Variants in BBS9 observed in about 807,000 individuals in gnomAD.
BBS9 encodes Bardet-Biedl syndrome 9, also known as protein PTHB1.
A neutral mutation model predicts 117.7 loss-of-function variants in BBS9; 89 were observed. The observed-to-expected ratio is 0.76, with a 90% CI of 0.64 to 0.90. The LOEUF (loss-of-function observed/expected upper bound fraction) is 0.90, where lower values mean the gene tolerates loss of function less well. Ranked by LOEUF, BBS9 falls within the 40% of genes least tolerant of loss-of-function variation. The pLI is 0.00. For missense variants in BBS9, 982 were observed against 1,042.2 expected (o/e 0.94, Z 0.80); for synonymous variants, 379 against 370.9 (o/e 1.02, Z -0.25).
rs149129242 is a variant in BBS9, at chr7:33,575,478, T to A, written c.2522-29387T>A. On this transcript the variant is annotated intron_variant, in intron 21 of 22. Coordinates refer to ENST00000242067, the MANE Select transcript of BBS9 (RefSeq NM_198428.3). Reference sequence around the variant, plus strand: ...ATTCACGGCCAATTTCTACCAGAGGTACAGAAAGGAGCTGTTACCATTCCT... The same window carrying A: ...ATTCACGGCCAATTTCTACCAGAGGAACAGAAAGGAGCTGTTACCATTCCT... Among the ~76,000 whole-genome samples, 396 of 152,138 alleles carry A rather than the reference T, an allele frequency of 2.6e-3. 3 individuals carry two copies. Among genetic ancestry groups the A allele is most frequent in the African/African-American group, 8.9e-3 (371 of 41,504 alleles).
chr7:33,159,484 A>C (rs949181438), intron 4 of BBS9, among the ~76,000 whole-genome samples: 21 of 152,218 alleles, frequency 1.4e-4, no homozygotes, highest in African/African-American at 4.8e-4. Context: ...CACATTTAAC[A>C]TGAGTGACTT....
intron 7 of BBS9, among the ~76,000 whole-genome samples, chr7:33,269,791 G>A (rs1030230620): frequency 4.0e-5 from 6 of 151,536 alleles, no homozygotes; most frequent in Admixed American, 1.3e-4. Flanking sequence ...TTGGGAGGCC[G>A]AGGCAGGCGG....
At chr7:33,483,995 C>T (rs1299985190) in intron 19 of BBS9, among the ~76,000 whole-genome samples, 3 of 152,076 alleles carry the variant, frequency 2.0e-5, no homozygotes, top group African/African-American at 4.8e-5. Context: ...CTTTTTGAGA[C>T]ACAGTATTGG....
intron 9 of BBS9, among the ~76,000 whole-genome samples, chr7:33,305,519 A>G (rs1257859743): frequency 6.6e-6 from 1 of 152,220 alleles, no homozygotes; most frequent in East Asian, 1.9e-4. Context: ...TAGAATCAGC[A>G]GTAAAGTCAT....
chr7:33,363,073 A>G (rs75002444), intron 16 of BBS9, among the ~76,000 whole-genome samples: 4,169 of 152,062 alleles, frequency 0.027, 192 homozygotes, highest in African/African-American at 0.092. Flanking sequence ...TCAATTTCAG[A>G]TTGTTCTTTG....
In BBS9 at chr7:33,219,478, G is replaced by T. The variant is rs186572350; in HGVS notation, c.443-37758G>T. On this transcript the variant is annotated intron_variant, in intron 5 of 22. Coordinates refer to ENST00000242067, the MANE Select transcript of BBS9 (RefSeq NM_198428.3). ...TGTGGAGAACCTTTATGTCTAGCTCGGGGATTGTAAATACACCAATCGGCA... is the reference window on the plus strand; with the variant it reads ...TGTGGAGAACCTTTATGTCTAGCTCTGGGATTGTAAATACACCAATCGGCA... 1.8e-3 allele frequency among the ~76,000 whole-genome samples: 281 copies of T among 152,224 alleles called. 3 individuals are homozygous for T. Among genetic ancestry groups the T allele is most frequent in the East Asian group, 0.015 (76 of 5,166 alleles).
chr7:33,155,539 T>G, intron 3 of BBS9, 99 bp from the exon 4 acceptor site: 1 of 744,828 alleles, frequency 1.3e-6, no homozygotes, highest in Non-Finnish European at 2.3e-6. Context: ...TTACTCACAG[T>G]GGCTGTGGTT....
At chr7:33,171,634 A>C (rs986139196) in intron 4 of BBS9, among the ~76,000 whole-genome samples, 1 of 152,212 alleles carries the variant, frequency 6.6e-6, no homozygotes, top group Admixed American at 6.5e-5. Context: ...GTTTTTTAAC[A>C]GACCTAAATA....
chr7:33,201,582 C>T (rs1785872059), intron 5 of BBS9, among the ~76,000 whole-genome samples: 1 of 152,096 alleles, frequency 6.6e-6, no homozygotes. Flanking sequence ...CAAAGTTGAC[C>T]TCACTCTACT....
At chr7:33,300,535 A>G (rs1310873645) in intron 9 of BBS9, among the ~76,000 whole-genome samples, 8 of 151,442 alleles carry the variant, frequency 5.3e-5, no homozygotes, top group Non-Finnish European at 8.8e-5. Flanking sequence ...GGAAATGTAG[A>G]CCAAGGCTCT....
At chr7:33,496,952 T>C (rs1253481620) in intron 19 of BBS9, among the ~76,000 whole-genome samples, 2 of 152,212 alleles carry the variant, frequency 1.3e-5, no homozygotes, top group African/African-American at 4.8e-5. Flanking sequence ...GTAAAATCTT[T>C]TCTTTTTTCC....
intron 19 of BBS9, among the ~76,000 whole-genome samples, chr7:33,469,449 C>A (rs1584938215): frequency 6.6e-6 from 1 of 152,186 alleles, no homozygotes; most frequent in South Asian, 2.1e-4. Context: ...GTGGAATATA[C>A]TGTAATATTA....
chr7:33,411,067 T>C (rs2128821559), intron 19 of BBS9, among the ~76,000 whole-genome samples: 1 of 149,658 alleles, frequency 6.7e-6, no homozygotes, highest in East Asian at 2.0e-4. Flanking sequence ...AGACCCTGTA[T>C]ATGCATACGG....
chr7:33,172,482 C>G (rs776684377), intron 4 of BBS9, among the ~76,000 whole-genome samples: 5 of 152,044 alleles, frequency 3.3e-5, no homozygotes, highest in Non-Finnish European at 5.9e-5. Flanking sequence ...AAACCAAAAA[C>G]AGCTCACAGT....
intron 1 of BBS9, among the ~76,000 whole-genome samples, chr7:33,139,991 G>A (rs534904586): frequency 4.8e-4 from 73 of 151,824 alleles, no homozygotes; most frequent in African/African-American, 1.7e-3. Context: ...TTTGATCTCA[G>A]TGAATGCCCC....
intron 21 of BBS9, among the ~76,000 whole-genome samples, chr7:33,584,329 T>A (rs889157078): frequency 1.3e-5 from 2 of 152,064 alleles, no homozygotes; most frequent in South Asian, 4.1e-4. Flanking sequence ...TTCTAAAATA[T>A]CTTATTATAC....
At chr7:33,576,276 A>G (rs1647039685) in intron 21 of BBS9, among the ~76,000 whole-genome samples, 1 of 152,176 alleles carries the variant, frequency 6.6e-6, no homozygotes, top group Non-Finnish European at 1.5e-5. Flanking sequence ...ACAAACAGAG[A>G]GCCAAATCAT....
intron 21 of BBS9, among the ~76,000 whole-genome samples, chr7:33,564,684 C>T (rs1360132613): frequency 1.3e-5 from 2 of 152,270 alleles, no homozygotes; most frequent in Admixed American, 6.5e-5. Flanking sequence ...AAGCCCTGAT[C>T]CATTTCTTCT....
intron 5 of BBS9, among the ~76,000 whole-genome samples, chr7:33,237,054 A>C (rs1159904691): frequency 1.3e-5 from 2 of 152,114 alleles, no homozygotes; most frequent in Non-Finnish European, 2.9e-5. Flanking sequence ...GTAATTCTTT[A>C]TATATTAAAA....
Sources: allele counts gnomAD v4.1 joint callset (sites outside exome capture counted in the v4.1 genomes callset), GRCh38; gene constraint gnomAD v4.1.1; transcripts MANE v1.5; gene names NCBI Gene and HGNC (gene_info 2026-07-23, HGNC 2026-07-21).